COL16A1: variants seen among roughly 807,000 people sequenced by gnomAD.
The protein encoded by COL16A1 is collagen type XVI alpha 1 chain.
A neutral mutation model predicts 266.3 loss-of-function variants in COL16A1; 189 were observed. The ratio of observed to expected loss-of-function variants is 0.71; its 90% CI spans 0.63 to 0.80. The LOEUF is 0.80. Among genes scored for constraint, COL16A1 ranks in the 30% least tolerant of loss-of-function variants. The pLI is 0.00. For missense variants in COL16A1, 1,928 were observed against 2,122.4 expected (o/e 0.91, Z 1.80); for synonymous variants, 740 against 782.3 (o/e 0.95, Z 0.90).
At position 31,670,466 on chromosome 1, in the gene COL16A1, C is replaced by T. The variant is rs773079888; in HGVS notation, c.3195+136G>A. 5.0e-5 allele frequency: 58 copies of T among 1,153,420 alleles called. No individual in the cohort carries two copies. The highest frequency in any genetic ancestry group is 8.6e-5 in the Admixed American group (2 of 23,196). The allele number at this position is 1,153,420 out of a possible 1,614,324, so 71.4% of individuals were successfully genotyped here. ...TGCCGGGACCTCAGAGAACCCGTGTCGTTAGCTACCGTGCCTGAAGGGGGA... is the reference window on the plus strand; with the variant it reads ...TGCCGGGACCTCAGAGAACCCGTGTTGTTAGCTACCGTGCCTGAAGGGGGA... On this transcript the variant is annotated intron_variant, in intron 49 of 70. Transcript: ENST00000373672. This position sits in a 1 kb window ranked among gnomAD's most constrained non-coding sequence, Gnocchi z 4.5.
intron 43 of COL16A1, 67 bp from the exon 44 acceptor site, chr1:31,675,106 G>A (rs1010849012): frequency 1.4e-5 from 23 of 1,611,524 alleles, no homozygotes; most frequent in Middle Eastern, 1.7e-4. Flanking sequence ...ATGGGATCAG[G>A]GAGAGCCTTG....
chr1:31,684,779 A>T, intron 30 of COL16A1, 42 bp downstream of exon 30: 1 of 1,613,920 alleles, frequency 6.2e-7, no homozygotes, highest in Non-Finnish European at 8.5e-7. Context: ...GGGATCTGAG[A>T]TGATGCCATG....
Position 31,668,884 on chromosome 1 carries a change from A to G in COL16A1, c.3196-29T>C. The G allele has an allele frequency of 1.2e-6, 2 of 1,608,268 alleles. No homozygotes were observed. The highest frequency in any genetic ancestry group is 1.7e-6 in the Non-Finnish European group (2 of 1,176,776). ...GGAGAGAAAAATCATGAGAAACTGC[A>G]GGAGCCGGCGGTCCCCACCCAGCCC... On this transcript the variant is annotated intron_variant, in intron 49 of 70. Coordinates refer to ENST00000373672, the MANE Select transcript of COL16A1 (RefSeq NM_001856.4). This position sits in a 1 kb window ranked among gnomAD's most constrained non-coding sequence, Gnocchi z 5.8.
intron 1 of COL16A1, among the ~76,000 whole-genome samples, chr1:31,702,522 T>A (rs756301269): frequency 6.6e-6 from 1 of 152,206 alleles, no homozygotes; most frequent in African/African-American, 2.4e-5. Context: ...GCTGTGCCAG[T>A]GGATACTTGC....
chr1:31,689,283 C>T (rs1041022077), intron 23 of COL16A1, 198 bp from the exon 24 acceptor site: 29 of 871,878 alleles, frequency 3.3e-5, no homozygotes, highest in African/African-American at 6.8e-5. Flanking sequence ...GGGGGAATGA[C>T]GCCAGGTTAA....
chr1:31,677,669 C>T (rs1348352058), intron 42 of COL16A1, among the ~76,000 whole-genome samples: 2 of 152,198 alleles, frequency 1.3e-5, no homozygotes, highest in East Asian at 1.9e-4. Context: ...AGCACTGGGA[C>T]AATACAGCCT....
Position 31,686,228 on chromosome 1 carries a change from T to C in COL16A1, c.1839+16A>G. ...CTTGTCCTCTCCCAAGCTGTTGCCA[T>C]CCAAAACATACTTACTGGACTGCCA... On this transcript the variant is annotated intron_variant, in intron 27 of 70. Coordinates refer to ENST00000373672, the MANE Select transcript of COL16A1 (RefSeq NM_001856.4). 1 of 1,614,116 alleles carries C rather than the reference T, an allele frequency of 6.2e-7. No homozygotes were observed. Among genetic ancestry groups the C allele is most frequent in the Middle Eastern group, 1.6e-4 (1 of 6,062 alleles).
At chr1:31,655,854 G>A in intron 66 of COL16A1, 1 of 326,986 alleles carries the variant, frequency 3.1e-6, no homozygotes, top group South Asian at 3.9e-5. Context: ...ATGATTCTCT[G>A]ATTCTGCCAT....
Position 31,674,998 on chromosome 1 carries a change from C to G in COL16A1, c.2859+9G>C. 6.2e-7 allele frequency: 1 copy of G among 1,611,856 alleles called. No individual in the cohort carries two copies. On this transcript the variant is annotated intron_variant, in intron 44 of 70. Transcript: ENST00000373672. The stretch of plus-strand genomic sequence containing the variant: ...CCAGCTCACACTTCCCTCCTGGGTA[C>G]CCTCTTACCTTAAGGAGGTGCTGTT...
chr1:31,681,749 T>C (rs916459486), intron 37 of COL16A1, among the ~76,000 whole-genome samples: 1 of 152,262 alleles, frequency 6.6e-6, no homozygotes, highest in Non-Finnish European at 1.5e-5. Context: ...TCTGTGCTCA[T>C]AGCTCCTTCA....
chr1:31,672,404 C>T lies in COL16A1; in HGVS notation c.3105+12G>A, dbSNP rs1390673447. On this transcript the variant is annotated intron_variant, in intron 47 of 70. Transcript: ENST00000373672. Reference sequence around the variant, plus strand: ...AGCTCCCTTGAGGATGAATCCCCATCCCTGGTCTTACCTCTTCTCCTCTCT... The same window carrying T: ...AGCTCCCTTGAGGATGAATCCCCATTCCTGGTCTTACCTCTTCTCCTCTCT... The T allele has an allele frequency of 1.9e-6, 3 of 1,613,982 alleles. No individual in the cohort carries two copies. The highest frequency in any genetic ancestry group is 1.1e-5 in the South Asian group (1 of 91,056).
rs1454216094 is a variant in COL16A1 at position 31,654,054 on chromosome 1, A to C, written c.4358-11T>G. 1 of 1,611,146 alleles carries C rather than the reference A, an allele frequency of 6.2e-7. No individual in the cohort carries two copies. The highest frequency in any genetic ancestry group is 1.1e-5 in the South Asian group (1 of 90,840). On this transcript the variant is annotated splice_polypyrimidine_tract_variant and intron_variant, in intron 68 of 70. Transcript: ENST00000373672. ...AGTAAGCCATTCTCTCTGTAAAAAA[A>C]GGACAAGGACAGGGACAGGTCAGAG...
At position 31,656,293 on chromosome 1, in the gene COL16A1, C is replaced by T; in HGVS notation, c.4101+107G>A. The T allele has an allele frequency of 1.3e-6, 2 of 1,535,196 alleles. No homozygotes were observed. Among genetic ancestry groups the T allele is most frequent in the Non-Finnish European group, 1.8e-6 (2 of 1,141,688 alleles). On this transcript the variant is annotated intron_variant, in intron 66 of 70. Coordinates refer to ENST00000373672, the MANE Select transcript of COL16A1 (RefSeq NM_001856.4). This position sits in a 1 kb window ranked among gnomAD's most constrained non-coding sequence, Gnocchi z 4.2. ...CCAAGTTCTGCATTTTTGCCCCCTG[C>T]CCACTGGCCTTCCTGTGTCTCCTCT...
In COL16A1 at chr1:31,702,135, T is replaced by C. The variant is rs760281570; in HGVS notation, c.59A>G (p.His20Arg). ...WLLGLWATFG[H>R]GANTGAQCPP... ...TGTCATCTCACCTGTATTTGCCCCA[T>C]GGCCGAAGGTAGCCCAAAGACCGAG... is the stretch of plus-strand genomic sequence containing the variant. Residue 20 changes from histidine to arginine, a missense_variant, in exon 2 of 71, where the codon CAT (histidine) becomes CGT (arginine). By Grantham distance (29) the His-to-Arg change is conservative. Coordinates refer to ENST00000373672, the MANE Select transcript of COL16A1 (RefSeq NM_001856.4). 1 of 1,614,110 alleles carries C rather than the reference T, an allele frequency of 6.2e-7. No individual in the cohort carries two copies. Among genetic ancestry groups the C allele is most frequent in the Non-Finnish European group, 8.5e-7 (1 of 1,179,980 alleles).
Position 31,656,443 on chromosome 1 carries a change from C to T in COL16A1, c.4058G>A (p.Gly1353Glu). Residue 1353 changes from glycine to glutamate, a missense_variant and splice_region_variant, in exon 66 of 71, where the codon GGA (glycine) becomes GAA (glutamate). Around this residue, in one of 2 missense-constraint regions of COL16A1, gnomAD observed 376 missense variants for 485.2 expected, o/e 0.77. Coordinates refer to ENST00000373672, the MANE Select transcript of COL16A1 (RefSeq NM_001856.4). The surrounding 1 kb of genome is among the most constrained non-coding windows in gnomAD (Gnocchi z 4.2). ...ATAGAATCCCTGCTTTCCAGGGGGT[C>T]CCTAGAGGAAAGCAAAAGTCAGAGG... ...PGTDGAAGKEGPPGKQGFYGP... is the reference protein window; with the variant it reads ...PGTDGAAGKEEPPGKQGFYGP... The T allele has an allele frequency of 6.2e-7, 1 of 1,612,628 alleles. No homozygotes were observed. Among genetic ancestry groups the T allele is most frequent in the Non-Finnish European group, 8.5e-7 (1 of 1,179,514 alleles).
At position 31,652,866 on chromosome 1, in the gene COL16A1, G is replaced by A. The variant is rs758883671; in HGVS notation, c.4613-13C>T. On this transcript the variant is annotated splice_polypyrimidine_tract_variant and intron_variant, in intron 70 of 70. Transcript: ENST00000373672. The surrounding 1 kb of genome is among the most constrained non-coding windows in gnomAD (Gnocchi z 4.8). ...GGACCTTGAGGACCTAGGGAGGGAAGGGCCACAGAGGGAAAATCAGAAGAC... is the reference window on the plus strand; with the variant it reads ...GGACCTTGAGGACCTAGGGAGGGAAAGGCCACAGAGGGAAAATCAGAAGAC... 3.4e-6 allele frequency: 5 copies of A among 1,474,828 alleles called. No homozygotes were observed. The African/African-American group carries it at 7.1e-5, about 21-fold the overall frequency. The allele number at this position is 1,474,828 out of a possible 1,614,324, so 91.4% of individuals were successfully genotyped here.
At chr1:31,695,416 A>T (rs1453257350) in intron 10 of COL16A1, among the ~76,000 whole-genome samples, 195 bp from the exon 11 acceptor site, 1 of 137,616 alleles carries the variant, frequency 7.3e-6, no homozygotes, top group African/African-American at 2.8e-5. Flanking sequence ...CATTTTTCAG[A>T]TGGGGAAACT....
chr1:31,674,366 A>G (rs1460785604), intron 44 of COL16A1, among the ~76,000 whole-genome samples: 1 of 152,234 alleles, frequency 6.6e-6, no homozygotes, highest in Non-Finnish European at 1.5e-5. Flanking sequence ...TCTCGTTTCT[A>G]GAGGTGACTA....
Position 31,670,757 on chromosome 1 carries a change from T to C in COL16A1, c.3151-111A>G. ...ATGGGGAGAGGAGGTCATGGGAGTA[T>C]TTTCAAGGCAGCTGGAAAAGAGACT... is the stretch of plus-strand genomic sequence containing the variant. On this transcript the variant is annotated intron_variant, in intron 48 of 70. Transcript: ENST00000373672. This position sits in a 1 kb window ranked among gnomAD's most constrained non-coding sequence, Gnocchi z 4.5. 1 of 856,908 alleles carries C rather than the reference T, an allele frequency of 1.2e-6. No homozygotes were observed. The highest frequency in any genetic ancestry group is 1.6e-6 in the Non-Finnish European group (1 of 613,206). 53.1% of individuals were successfully genotyped at this position (856,908 alleles called of 1,614,324 possible).
Sources: allele counts gnomAD v4.1 joint callset (sites outside exome capture counted in the v4.1 genomes callset), GRCh38; gene constraint gnomAD v4.1.1; regional missense constraint gnomAD v4.1.1; non-coding constraint Gnocchi (gnomAD v3.1); transcripts MANE v1.5; gene names NCBI Gene and HGNC (gene_info 2026-07-23, HGNC 2026-07-21).